Variants in RASSF9 observed in about 807,000 individuals in gnomAD.
RASSF9 encodes the protein ras association domain-containing protein 9.
A neutral mutation model predicts 21.4 loss-of-function variants in RASSF9; 18 were observed. That is an observed-to-expected ratio of 0.84 (90% CI 0.58 to 1.25). RASSF9 has a LOEUF of 1.25. Among genes scored for constraint, RASSF9 ranks in the 50% most tolerant of loss-of-function variants. The probability of loss-of-function intolerance (pLI) is 0.00; values close to 1 mark genes in which losing one functional copy is unlikely to be tolerated. For synonymous variants in RASSF9, 183 were observed against 179.1 expected (o/e 1.02, Z -0.18); for missense variants, 480 against 503.2 (o/e 0.95, Z 0.44).
chr12:85,831,586 A>G, intron 1 of RASSF9, among the ~76,000 whole-genome samples: 1 of 151,982 alleles, frequency 6.6e-6, no homozygotes. Flanking sequence ...ACCAGGTATA[A>G]TCAGGGGAAA....
At chr12:85,828,351 TAA>T (rs2136562986) in intron 1 of RASSF9, among the ~76,000 whole-genome samples, 1 of 152,176 alleles carries the variant, frequency 6.6e-6, no homozygotes, top group South Asian at 2.1e-4. Flanking sequence ...TTAAAATAAC[TAA>T]AAGAGTGTAA....
At chr12:85,816,309 TA>T (rs201674833) in intron 1 of RASSF9, among the ~76,000 whole-genome samples, 5,452 of 139,736 alleles carry the variant, frequency 0.039, 173 homozygotes, top group African/African-American at 0.092. Flanking sequence ...ACTTAAAAGT[TA>T]AAAAAAAAAA....
In RASSF9 at chr12:85,820,148, T is replaced by C. The variant is rs144927554; in HGVS notation, c.48-14186A>G. On this transcript the variant is annotated intron_variant, in intron 1 of 1. Coordinates refer to ENST00000361228, the MANE Select transcript of RASSF9 (RefSeq NM_005447.4). Reference sequence around the variant, plus strand: ...TACATTTTTAAATGTTTTTAAAAATTAAAAGGAAAATAACCAGCTTAGACA... The same window carrying C: ...TACATTTTTAAATGTTTTTAAAAATCAAAAGGAAAATAACCAGCTTAGACA... Among the ~76,000 whole-genome samples, 482 of 152,290 alleles carry C rather than the reference T, an allele frequency of 3.2e-3. 3 individuals are homozygous for C. The highest frequency in any genetic ancestry group is 0.011 in the African/African-American group (461 of 41,562).
intron 1 of RASSF9, among the ~76,000 whole-genome samples, chr12:85,816,962 A>ACTT: frequency 6.6e-6 from 1 of 152,314 alleles, no homozygotes; most frequent in South Asian, 2.1e-4. Context: ...AATAACTCAA[A>ACTT]GATGCCAAGT....
chr12:85,824,127 TA>T (rs1880276928), intron 1 of RASSF9, among the ~76,000 whole-genome samples: 1 of 152,208 alleles, frequency 6.6e-6, no homozygotes, highest in Non-Finnish European at 1.5e-5. Context: ...TGCATCTTGA[TA>T]TTTTCATTTT....
intron 1 of RASSF9, among the ~76,000 whole-genome samples, chr12:85,824,761 C>T (rs556678317): frequency 6.6e-5 from 10 of 152,256 alleles, no homozygotes; most frequent in African/African-American, 2.4e-4. Context: ...ACTATGAGAA[C>T]AACCTGCTGT....
intron 1 of RASSF9, among the ~76,000 whole-genome samples, chr12:85,807,704 TTTCTC>T (rs1879865203): frequency 6.6e-6 from 1 of 152,076 alleles, no homozygotes; most frequent in East Asian, 1.9e-4. Flanking sequence ...TGATAGTACT[TTTCTC>T]TGTTCTATAG....
Position 85,805,920 on chromosome 12 carries a change from C to T in RASSF9, c.90G>A (p.Val30=). 1 of 1,613,214 alleles carries T rather than the reference C, an allele frequency of 6.2e-7. No individual in the cohort carries two copies. ...GCTTCTCTTCTTGGCAAACCCAAAC[C>T]ACAATTTCCTTCTCTTCTGAATCCA... ...KDMDSEEKEI[V]VWVCQEEKLV... is the part of the protein sequence containing the mutation. The change falls in exon 2 of 2, where the codon GTG becomes GTA. Residue 30 remains valine (V), a synonymous_variant. Coordinates refer to ENST00000361228, the MANE Select transcript of RASSF9 (RefSeq NM_005447.4).
At chr12:85,818,726 C>G (rs1880134677) in intron 1 of RASSF9, among the ~76,000 whole-genome samples, 1 of 151,480 alleles carries the variant, frequency 6.6e-6, no homozygotes, top group South Asian at 2.1e-4. Context: ...TTCGGGATGC[C>G]GAGGCGGGCG....
intron 1 of RASSF9, among the ~76,000 whole-genome samples, chr12:85,820,167 T>G (rs1436133115): frequency 6.6e-6 from 1 of 152,190 alleles, no homozygotes; most frequent in East Asian, 1.9e-4. Context: ...AATAACCAGC[T>G]TAGACATGAA....
At chr12:85,821,748 G>C (rs1487451198) in intron 1 of RASSF9, among the ~76,000 whole-genome samples, 1 of 152,068 alleles carries the variant, frequency 6.6e-6, no homozygotes, top group Non-Finnish European at 1.5e-5. Flanking sequence ...TTATAAACCA[G>C]TCATGCGGGA....
At chr12:85,823,122 C>A (rs937882723) in intron 1 of RASSF9, among the ~76,000 whole-genome samples, 3 of 151,362 alleles carry the variant, frequency 2.0e-5, no homozygotes, top group Admixed American at 6.6e-5. Context: ...ATGGGGTGAA[C>A]CTGGGAGGCG....
At chr12:85,820,007 A>T (rs992920116) in intron 1 of RASSF9, among the ~76,000 whole-genome samples, 2 of 152,158 alleles carry the variant, frequency 1.3e-5, no homozygotes, top group African/African-American at 4.8e-5. Context: ...CAATGTTTTG[A>T]TGTTCAAATA....
At chr12:85,834,125 C>A (rs1300299105) in intron 1 of RASSF9, among the ~76,000 whole-genome samples, 1 of 152,002 alleles carries the variant, frequency 6.6e-6, no homozygotes, top group African/African-American at 2.4e-5. Context: ...GTGATCTTTT[C>A]ACTGCTTAAC....
chr12:85,825,140 T>A lies in RASSF9; in HGVS notation c.47+11015A>T, dbSNP rs546587668. On this transcript the variant is annotated intron_variant, in intron 1 of 1. Transcript: ENST00000361228. ...GCCTCACCCTCCCTGGTAGCTAGGATTACAGGTGCGTGCCACTATGCCTGA... is the reference window on the plus strand; with the variant it reads ...GCCTCACCCTCCCTGGTAGCTAGGAATACAGGTGCGTGCCACTATGCCTGA... Among the ~76,000 whole-genome samples the A allele has an allele frequency of 6.5e-4, 99 of 152,240 alleles. 1 individual carries two copies. Among genetic ancestry groups the A allele is most frequent in the African/African-American group, 2.4e-3 (98 of 41,544 alleles).
At chr12:85,818,240 T>G (rs1225267565) in intron 1 of RASSF9, among the ~76,000 whole-genome samples, 1 of 152,236 alleles carries the variant, frequency 6.6e-6, no homozygotes, top group Non-Finnish European at 1.5e-5. Context: ...TAAATTCACT[T>G]TTCATTACAA....
Position 85,805,574 on chromosome 12 carries a change from C to T in RASSF9, c.436G>A (p.Ala146Thr). The change falls in exon 2 of 2, where the codon GCA becomes ACA. Residue 146 changes from alanine (A) to threonine (T), a missense_variant. Coordinates refer to ENST00000361228, the MANE Select transcript of RASSF9 (RefSeq NM_005447.4). ...GGTGGTAAAGTCTTCATGTAGTTTGCTGGGCTGAGCTCCCACAATTTTTCT... is the reference window on the plus strand; with the variant it reads ...GGTGGTAAAGTCTTCATGTAGTTTGTTGGGCTGAGCTCCCACAATTTTTCT... ...NTEKLWELSP[A>T]NYMKTLPPDK... 1.2e-6 allele frequency: 2 copies of T among 1,613,866 alleles called. No individual in the cohort carries two copies. The highest frequency in any genetic ancestry group is 1.7e-6 in the Non-Finnish European group (2 of 1,179,870).
intron 1 of RASSF9, among the ~76,000 whole-genome samples, chr12:85,808,460 C>T (rs559650053): frequency 6.6e-6 from 1 of 152,150 alleles, no homozygotes; most frequent in South Asian, 2.1e-4. Context: ...TATAATTCAT[C>T]ATTTAATAAT....
chr12:85,805,558 G>C lies in RASSF9; in HGVS notation c.452C>G (p.Thr151Ser), dbSNP rs143607356. The change falls in exon 2 of 2, where the codon ACT becomes AGT. Residue 151 changes from threonine to serine, a missense_variant. Coordinates refer to ENST00000361228, the MANE Select transcript of RASSF9 (RefSeq NM_005447.4). ...TCTTTTTTGTTTATCTGGTGGTAAA[G>C]TCTTCATGTAGTTTGCTGGGCTGAG... ...WELSPANYMK[T>S]LPPDKQKRIV... 219 of 1,613,886 alleles carry C rather than the reference G, an allele frequency of 1.4e-4. No individual in the cohort carries two copies. The African/African-American group carries it at 2.5e-3, about 18-fold the overall frequency.
Sources: gnomAD v4.1 joint callset for allele counts (sites outside exome capture counted in the v4.1 genomes callset) on GRCh38, gnomAD v4.1.1 for gene constraint, MANE v1.5 for transcripts, NCBI Gene and HGNC (gene_info 2026-07-23, HGNC 2026-07-21) for gene names.